The following JMJD1C variants were observed in gnomAD, a reference collection of about 807,000 sequenced individuals.
JMJD1C encodes jumonji domain containing 1C.
In JMJD1C, 31 loss-of-function variants were observed where a neutral mutation model predicts 245.3. That is an observed-to-expected ratio of 0.13 (90% CI 0.09 to 0.17). The LOEUF (loss-of-function observed/expected upper bound fraction) is 0.17, where lower values mean the gene tolerates loss of function less well. Among genes scored for constraint, JMJD1C ranks in the 10% least tolerant of loss-of-function variants. JMJD1C has a pLI of 1.00. For missense variants in JMJD1C, 2,691 were observed against 3,000.2 expected (o/e 0.90, Z 2.41); for synonymous variants, 1,057 against 1,017.4 (o/e 1.04, Z -0.74).
In JMJD1C at chr10:63,185,651, G is replaced by T. The variant is rs1844043090; in HGVS notation, c.6742C>A (p.Arg2248=). The T allele has an allele frequency of 5.1e-6, 8 of 1,563,880 alleles. No homozygotes were observed. The highest frequency in any genetic ancestry group is 7.0e-6 in the Non-Finnish European group (8 of 1,135,048). ...GTTTCTCCACTCTTGTTTTTCTGCCGTTCTATAAGGAATGCAGTTAATTAC... is the reference window on the plus strand; with the variant it reads ...GTTTCTCCACTCTTGTTTTTCTGCCTTTCTATAAGGAATGCAGTTAATTAC... The part of the protein sequence containing the change: ...FWDGFEEVSK[R]QKNKSGETVV... Residue 2248 remains arginine (R), a splice_region_variant and synonymous_variant, in exon 20 of 26, where the codon CGG becomes AGG. Coordinates refer to ENST00000399262, the MANE Select transcript of JMJD1C (RefSeq NM_032776.3).
chr10:63,251,150 T>C (rs1853012221), intron 3 of JMJD1C, among the ~76,000 whole-genome samples: 2 of 152,208 alleles, frequency 1.3e-5, no homozygotes, highest in South Asian at 2.1e-4. Flanking sequence ...AGAGATCTCA[T>C]ATATCGTGTT....
chr10:63,464,656 C>A (rs1247775868), intron 1 of JMJD1C, among the ~76,000 whole-genome samples: 4 of 151,328 alleles, frequency 2.6e-5, no homozygotes, highest in Admixed American at 6.6e-5. Context: ...CACATACCTA[C>A]GCTACTCAAA....
intron 24 of JMJD1C, among the ~76,000 whole-genome samples, chr10:63,174,821 C>G (rs1257155727): frequency 1.3e-5 from 2 of 150,240 alleles, no homozygotes; most frequent in Admixed American, 1.3e-4. Context: ...GCAACAAGAG[C>G]AAGACTCTGT....
intron 1 of JMJD1C, among the ~76,000 whole-genome samples, chr10:63,401,933 G>A (rs568474577): frequency 1.2e-4 from 19 of 152,150 alleles, no homozygotes; most frequent in African/African-American, 4.3e-4. Flanking sequence ...TCGGGAGTTC[G>A]AGATCAGCCT....
intron 1 of JMJD1C, among the ~76,000 whole-genome samples, chr10:63,453,093 A>C (rs1267211092): frequency 2.6e-5 from 4 of 152,086 alleles, no homozygotes; most frequent in Admixed American, 6.6e-5. Flanking sequence ...TGGCAAACAG[A>C]GCAAAACCCC....
chr10:63,512,385 T>A (rs901034022), intron 1 of JMJD1C, among the ~76,000 whole-genome samples: 5 of 152,192 alleles, frequency 3.3e-5, no homozygotes, highest in African/African-American at 1.2e-4. Context: ...CAAATCGGAT[T>A]TGCAACAAAT....
chr10:63,282,917 C>T lies in JMJD1C; in HGVS notation c.334-18153G>A, dbSNP rs185687156. Among the ~76,000 whole-genome samples the T allele has an allele frequency of 6.6e-5, 10 of 152,262 alleles. No homozygotes were observed. In the East Asian group the frequency reaches 1.5e-3, roughly 24 times the overall value. On this transcript the variant is annotated intron_variant, in intron 2 of 25. Transcript: ENST00000399262. ...ATTTTTAGTAGAGACAGGGTTTTAC[C>T]GTGTTAGCCAAGATGGCCTCGGTCT...
intron 18 of JMJD1C, 93 bp downstream of exon 18, chr10:63,189,075 C>T (rs1207010811): frequency 1.7e-5 from 18 of 1,039,472 alleles, no homozygotes; most frequent in Non-Finnish European, 2.4e-5. Context: ...CACTATTTTT[C>T]CCCCCTCCAT....
chr10:63,478,366 A>G (rs1301207687), intron 1 of JMJD1C, among the ~76,000 whole-genome samples: 1 of 152,242 alleles, frequency 6.6e-6, no homozygotes, highest in Non-Finnish European at 1.5e-5. Context: ...GTAATTGCCA[A>G]ACACTGCAAA....
chr10:63,400,418 G>A (rs1400612827), intron 1 of JMJD1C, among the ~76,000 whole-genome samples: 1 of 152,152 alleles, frequency 6.6e-6, no homozygotes, highest in Non-Finnish European at 1.5e-5. Context: ...TCCATTGAGG[G>A]AAGAGAAGCC....
At chr10:63,342,040 G>A (rs7091664) in intron 2 of JMJD1C, among the ~76,000 whole-genome samples, 130,791 of 152,234 alleles carry the variant, frequency 0.86, 56,878 homozygotes, top group African/African-American at 0.96. Flanking sequence ...AGAATTCTGT[G>A]TGTCAAGTGA....
chr10:63,370,230 A>G (rs1429250873), intron 2 of JMJD1C, among the ~76,000 whole-genome samples: 1 of 152,164 alleles, frequency 6.6e-6, no homozygotes, highest in Non-Finnish European at 1.5e-5. Context: ...GCTCTCAATG[A>G]GTTATATCAA....
At chr10:63,325,718 TTATAA>T (rs1321697121) in intron 2 of JMJD1C, among the ~76,000 whole-genome samples, 20 of 152,314 alleles carry the variant, frequency 1.3e-4, no homozygotes, top group African/African-American at 2.9e-4. Context: ...TCCAGTTAAC[TTATAA>T]TATAACTGAT....
chr10:63,265,090 G>A (rs932076427), intron 2 of JMJD1C, among the ~76,000 whole-genome samples: 1 of 151,850 alleles, frequency 6.6e-6, no homozygotes, highest in African/African-American at 2.4e-5. Context: ...TTTTGAAACA[G>A]TAAACTGGGT....
At chr10:63,202,281 T>C in intron 10 of JMJD1C, 1 of 983,694 alleles carries the variant, frequency 1.0e-6, no homozygotes, top group Non-Finnish European at 1.2e-6. Flanking sequence ...AAGCAAGCTA[T>C]GTTAGGATCA....
intron 10 of JMJD1C, among the ~76,000 whole-genome samples, chr10:63,201,927 CA>C (rs897589686): frequency 2.6e-4 from 32 of 125,052 alleles, no homozygotes; most frequent in Admixed American, 3.3e-4. Context: ...AGACTCCGTC[CA>C]AAAAAAAAAC....
At chr10:63,178,486 T>C (rs1297900535) in intron 22 of JMJD1C, among the ~76,000 whole-genome samples, 1 of 152,210 alleles carries the variant, frequency 6.6e-6, no homozygotes, top group Non-Finnish European at 1.5e-5. Flanking sequence ...AAAGGTCTTT[T>C]ATGCTCACTA....
At chr10:63,443,296 G>GT (rs936700465) in intron 1 of JMJD1C, among the ~76,000 whole-genome samples, 21 of 151,830 alleles carry the variant, frequency 1.4e-4, no homozygotes, top group African/African-American at 2.2e-4. Context: ...ACAGGGTTTT[G>GT]TTTTTTTTGT....
At chr10:63,236,224 A>G (rs1278490194) in intron 3 of JMJD1C, among the ~76,000 whole-genome samples, 2 of 152,176 alleles carry the variant, frequency 1.3e-5, no homozygotes, top group African/African-American at 4.8e-5. Flanking sequence ...TGATCACCCA[A>G]CTGAAACCTA....
Sources: allele counts gnomAD v4.1 joint callset (sites outside exome capture counted in the v4.1 genomes callset), GRCh38; gene constraint gnomAD v4.1.1; transcripts MANE v1.5; gene names NCBI Gene and HGNC (gene_info 2026-07-23, HGNC 2026-07-21).